Variants in CDH4 observed in about 807,000 individuals in gnomAD.
The protein encoded by CDH4 is cadherin 4, also known as cadherin-4.
CDH4 carries 33 observed loss-of-function variants against 86.0 expected under a neutral mutation model. That is an observed-to-expected ratio of 0.38 (90% CI 0.29 to 0.51). The LOEUF is 0.51. Among genes scored for constraint, CDH4 ranks in the 20% least tolerant of loss-of-function variants. The pLI is 0.86. For missense variants in CDH4, 1,114 were observed against 1,307.4 expected (o/e 0.85, Z 2.28); for synonymous variants, 555 against 549.4 (o/e 1.01, Z -0.14).
intron 2 of CDH4, among the ~76,000 whole-genome samples, chr20:61,451,317 CTG>C (rs2085379386): frequency 1.3e-5 from 2 of 152,136 alleles, no homozygotes; most frequent in Admixed American, 6.5e-5. Context: ...TGCGTCTCAG[CTG>C]CGTCAGAGTG....
chr20:61,631,601 G>A (rs1235475885), intron 2 of CDH4, among the ~76,000 whole-genome samples: 1 of 152,124 alleles, frequency 6.6e-6, no homozygotes, highest in African/African-American at 2.4e-5. Context: ...CCGAGATCAC[G>A]CCACTGCTCT....
intron 2 of CDH4, among the ~76,000 whole-genome samples, chr20:61,554,773 A>G (rs1403528869): frequency 2.6e-5 from 4 of 152,372 alleles, no homozygotes; most frequent in African/African-American, 9.6e-5. Context: ...GCATATGTGC[A>G]TGGTGTGAAC....
chr20:61,593,757 T>C (rs2086534223), intron 2 of CDH4, among the ~76,000 whole-genome samples: 2 of 151,980 alleles, frequency 1.3e-5, no homozygotes, highest in South Asian at 4.2e-4. Context: ...CATCTGAATG[T>C]TATTGTAAAG....
chr20:61,923,371 C>G, intron 9 of CDH4, 80 bp from the exon 10 acceptor site: 1 of 1,457,060 alleles, frequency 6.9e-7, no homozygotes, highest in Non-Finnish European at 9.5e-7. Context: ...GGGTGGAGAC[C>G]AACCTTCCCA....
chr20:61,694,051 C>T (rs1358272345), intron 2 of CDH4, among the ~76,000 whole-genome samples: 1 of 151,932 alleles, frequency 6.6e-6, no homozygotes, highest in Non-Finnish European at 1.5e-5. Flanking sequence ...CGCCATGACA[C>T]CCAGCTAATT....
At chr20:61,446,086 A>G (rs2085348720) in intron 2 of CDH4, among the ~76,000 whole-genome samples, 1 of 152,240 alleles carries the variant, frequency 6.6e-6, no homozygotes, top group South Asian at 2.1e-4. Flanking sequence ...AAAGACCATG[A>G]AAAATGAAAT....
chr20:61,925,866 G>A (rs1294492557), intron 11 of CDH4, among the ~76,000 whole-genome samples: 2 of 152,086 alleles, frequency 1.3e-5, no homozygotes, highest in East Asian at 3.9e-4. Flanking sequence ...ACGGGCACAC[G>A]TCTGCTACTA....
At chr20:61,847,193 C>T (rs1005983545) in intron 5 of CDH4, among the ~76,000 whole-genome samples, 7 of 152,328 alleles carry the variant, frequency 4.6e-5, no homozygotes, top group Non-Finnish European at 5.9e-5. Flanking sequence ...ACCAACTCCC[C>T]GGAAAAGGTT....
chr20:61,310,786 T>G (rs751037656), intron 2 of CDH4, among the ~76,000 whole-genome samples: 1 of 152,178 alleles, frequency 6.6e-6, no homozygotes, highest in Non-Finnish European at 1.5e-5. Context: ...CCTGTCTCCT[T>G]TTTGTATCTT....
chr20:61,660,758 T>G (rs2087245093), intron 2 of CDH4, among the ~76,000 whole-genome samples: 1 of 152,126 alleles, frequency 6.6e-6, no homozygotes, highest in Non-Finnish European at 1.5e-5. Context: ...TGGCAGTTGC[T>G]TTATACCTGG....
chr20:61,758,212 C>T (rs930490386), intron 3 of CDH4, among the ~76,000 whole-genome samples: 1 of 152,098 alleles, frequency 6.6e-6, no homozygotes, highest in Admixed American at 6.5e-5. Context: ...TGTTGACATC[C>T]AAGTTGAGAG....
In CDH4 at chr20:61,728,443, A is replaced by G. The variant is rs143624499; in HGVS notation, c.170-15120A>G. 5.3e-3 allele frequency among the ~76,000 whole-genome samples: 801 copies of G among 152,240 alleles called. 9 individuals are homozygous for G. Among genetic ancestry groups the G allele is most frequent in the African/African-American group, 0.018 (762 of 41,544 alleles). On this transcript the variant is annotated intron_variant, in intron 2 of 15. Transcript: ENST00000614565. Reference sequence around the variant, plus strand: ...TCTTTCAAGGAAGGGCTCAAGGGCCATGTCTGGAATGAGCAGGAAAGGGGA... The same window carrying G: ...TCTTTCAAGGAAGGGCTCAAGGGCCGTGTCTGGAATGAGCAGGAAAGGGGA...
intron 2 of CDH4, among the ~76,000 whole-genome samples, chr20:61,340,767 A>ACGAGGT (rs2084645576): frequency 6.6e-6 from 1 of 152,008 alleles, no homozygotes; most frequent in South Asian, 2.1e-4. Flanking sequence ...TATTTTAGAG[A>ACGAGGT]CGAGGTCTCA....
At chr20:61,475,178 TC>T (rs1250628728) in intron 2 of CDH4, among the ~76,000 whole-genome samples, 8 of 152,088 alleles carry the variant, frequency 5.3e-5, no homozygotes, top group Non-Finnish European at 1.0e-4. Flanking sequence ...CCATAATTAC[TC>T]TGAGCACTGT....
chr20:61,610,918 G>T (rs192368946), intron 2 of CDH4, among the ~76,000 whole-genome samples: 1 of 152,248 alleles, frequency 6.6e-6, no homozygotes, highest in African/African-American at 2.4e-5. Flanking sequence ...CCCAGTAAGG[G>T]TGCTGGAGCT....
intron 2 of CDH4, among the ~76,000 whole-genome samples, chr20:61,301,708 T>C (rs1401444966): frequency 6.6e-6 from 1 of 152,202 alleles, no homozygotes; most frequent in Non-Finnish European, 1.5e-5. Flanking sequence ...CATCAAAATA[T>C]TTCAGGCAGT....
Position 61,377,333 on chromosome 20 carries a change from G to A in CDH4, c.169+122396G>A, listed in dbSNP as rs898537132. On this transcript the variant is annotated intron_variant, in intron 2 of 15. Coordinates refer to ENST00000614565, the MANE Select transcript of CDH4 (RefSeq NM_001794.5). The surrounding 1 kb of genome is among the most constrained non-coding windows in gnomAD (Gnocchi z 4.0). ...ACTCCTGGGCCCTGACGAATCCAAA[G>A]GGTCCCCATTCCATGTCTAAGTGCC... 6.6e-6 allele frequency among the ~76,000 whole-genome samples: 1 copy of A among 152,140 alleles called. No individual in the cohort carries two copies.
chr20:61,630,014 C>T (rs558901207), intron 2 of CDH4, among the ~76,000 whole-genome samples: 49 of 152,258 alleles, frequency 3.2e-4, no homozygotes, highest in African/African-American at 1.0e-3. Flanking sequence ...GGCTCCGAGG[C>T]GGTGTGAGGC....
intron 2 of CDH4, among the ~76,000 whole-genome samples, chr20:61,375,576 G>A (rs1479066071): frequency 1.2e-5 from 1 of 81,380 alleles, no homozygotes; most frequent in Non-Finnish European, 2.4e-5. Context: ...TGGCGCTGGT[G>A]GTGGTCATAG....
Sources: gnomAD v4.1 joint callset for allele counts (sites outside exome capture counted in the v4.1 genomes callset) on GRCh38, gnomAD v4.1.1 for gene constraint, Gnocchi (gnomAD v3.1) non-coding constraint, MANE v1.5 for transcripts, NCBI Gene and HGNC (gene_info 2026-07-23, HGNC 2026-07-21) for gene names.